MAGI1: variants seen among roughly 807,000 people sequenced by gnomAD.
The protein encoded by MAGI1 is membrane-associated guanylate kinase, WW and PDZ domain-containing protein 1.
MAGI1 carries 58 observed loss-of-function variants against 139.9 expected under a neutral mutation model. The observed-to-expected ratio is 0.41, with a 90% CI of 0.34 to 0.52. MAGI1 has a LOEUF of 0.52. Among genes scored for constraint, MAGI1 ranks in the 20% least tolerant of loss-of-function variants. The pLI, the probability that MAGI1 is intolerant of heterozygous loss-of-function variation, is 0.12. For missense variants in MAGI1, 1,874 were observed against 1,901.6 expected, an observed-to-expected ratio of 0.99 and a Z score of 0.27; for synonymous variants, 812 against 737.9, an observed-to-expected ratio of 1.10 and a Z score of -1.63.
intron 1 of MAGI1, among the ~76,000 whole-genome samples, chr3:65,838,220 G>A (rs2058692233): frequency 6.6e-6 from 1 of 152,158 alleles, no homozygotes; most frequent in Non-Finnish European, 1.5e-5. Flanking sequence ...GCTGAGGCAG[G>A]AGAATCACTT....
chr3:65,810,391 G>C (rs967943459), intron 1 of MAGI1, among the ~76,000 whole-genome samples: 5 of 152,322 alleles, frequency 3.3e-5, no homozygotes, highest in East Asian at 3.9e-4. Context: ...ACCCAGAAAA[G>C]TAATTCAGTA....
chr3:65,565,780 C>T (rs956637964), intron 2 of MAGI1, among the ~76,000 whole-genome samples: 2 of 150,442 alleles, frequency 1.3e-5, no homozygotes, highest in East Asian at 3.9e-4. Flanking sequence ...TTGCTTGAAC[C>T]CAGGAGGCAG....
intron 1 of MAGI1, among the ~76,000 whole-genome samples, chr3:65,740,081 T>G (rs1018810883): frequency 6.6e-6 from 1 of 152,188 alleles, no homozygotes; most frequent in East Asian, 1.9e-4. Context: ...CAAGCACTAG[T>G]TTATCTGAAG....
rs114996363 is a variant in MAGI1, at chr3:65,539,150, G to A, written c.431-45519C>T. ...CAAACAGACACATGTACCAACTACC[G>A]TCAAACAGGCACACATATCAAGTAC... On this transcript the variant is annotated intron_variant, in intron 2 of 22. Coordinates refer to ENST00000402939, the MANE Select transcript of MAGI1 (RefSeq NM_001033057.2). Among the ~76,000 whole-genome samples the A allele has an allele frequency of 3.6e-3, 547 of 151,226 alleles. 1 individual carries two copies. Among genetic ancestry groups the A allele is most frequent in the African/African-American group, 0.013 (526 of 41,126 alleles).
intron 12 of MAGI1, among the ~76,000 whole-genome samples, chr3:65,406,488 ATG>A (rs1452013943): frequency 1.3e-5 from 2 of 152,122 alleles, no homozygotes; most frequent in Non-Finnish European, 2.9e-5. Flanking sequence ...CATAAGAAAA[ATG>A]TACTATTTTT....
In MAGI1 at chr3:65,361,211, C is replaced by T; in HGVS notation, c.3622G>A (p.Val1208Ile). The change falls in exon 22 of 23, where the codon GTA becomes ATA. Residue 1208 changes from valine (V) to isoleucine (I), a missense_variant. Coordinates refer to ENST00000402939, the MANE Select transcript of MAGI1 (RefSeq NM_001033057.2). ...RLFLKRGDGS[V>I]PEYDPSSDRH... The stretch of plus-strand genomic sequence containing the variant: ...TAGTTTGACCCACCATATTCTGGTA[C>T]TGAGCCGTCTCCCCGCTTCAGAAAC... 2 of 1,614,178 alleles carry T rather than the reference C, an allele frequency of 1.2e-6. No homozygotes were observed. The highest frequency in any genetic ancestry group is 2.2e-5 in the East Asian group (1 of 44,884).
intron 3 of MAGI1, among the ~76,000 whole-genome samples, chr3:65,482,621 T>C (rs761418801): frequency 2.6e-5 from 4 of 152,220 alleles, no homozygotes; most frequent in Non-Finnish European, 5.9e-5. Context: ...GTGTTAAATA[T>C]GAGATAGTGT....
intron 1 of MAGI1, among the ~76,000 whole-genome samples, chr3:65,974,379 G>C (rs1305448911): frequency 5.6e-4 from 14 of 25,192 alleles, no homozygotes; most frequent in African/African-American, 1.1e-3. Flanking sequence ...GGGCGGGTGG[G>C]CGGGTGGCTG....
rs560515461 is a variant in MAGI1 at position 65,683,592 on chromosome 3, T to C, written c.314-61504A>G. ...TATAAAGAATTCTCCAAAGTCAATATTGAAAACACAGATAATCCAATTAGA... is the reference window on the plus strand; with the variant it reads ...TATAAAGAATTCTCCAAAGTCAATACTGAAAACACAGATAATCCAATTAGA... On this transcript the variant is annotated intron_variant, in intron 1 of 22. Transcript: ENST00000402939. Among the ~76,000 whole-genome samples the C allele has an allele frequency of 9.3e-5, 14 of 151,326 alleles. No individual in the cohort carries two copies. In the South Asian group the frequency reaches 1.5e-3, roughly 16 times the overall value.
chr3:65,439,825 G>T, intron 9 of MAGI1, 54 bp downstream of exon 9: 1 of 1,602,936 alleles, frequency 6.2e-7, no homozygotes, highest in Non-Finnish European at 8.5e-7. Context: ...TCAGCGCTCA[G>T]ATTTCACCCC....
chr3:65,621,300 T>A (rs1398866968), intron 2 of MAGI1, among the ~76,000 whole-genome samples: 2 of 152,244 alleles, frequency 1.3e-5, no homozygotes, highest in East Asian at 3.8e-4. Context: ...TGCGAATTTA[T>A]CCAACCATAG....
At chr3:65,740,163 A>G (rs6767810) in intron 1 of MAGI1, among the ~76,000 whole-genome samples, 9,218 of 152,154 alleles carry the variant, frequency 0.061, 931 homozygotes, top group African/African-American at 0.2. Context: ...AAACATAACA[A>G]CCCATATTCA....
chr3:65,468,105 G>A (rs1281498701), intron 5 of MAGI1, among the ~76,000 whole-genome samples: 1 of 152,148 alleles, frequency 6.6e-6, no homozygotes, highest in Admixed American at 6.5e-5. Flanking sequence ...AAGCTGAGAT[G>A]CAAGAAGTAA....
intron 1 of MAGI1, among the ~76,000 whole-genome samples, chr3:65,653,914 C>T (rs931862356): frequency 6.6e-6 from 1 of 152,062 alleles, no homozygotes; most frequent in South Asian, 2.1e-4. Context: ...TACACATAGG[C>T]GTTATATTTC....
chr3:65,422,513 A>C (rs888358201), intron 12 of MAGI1, among the ~76,000 whole-genome samples: 3 of 152,166 alleles, frequency 2.0e-5, no homozygotes, highest in Non-Finnish European at 4.4e-5. Context: ...CAGGATTAGC[A>C]CTTATGAAAT....
At chr3:65,908,964 C>G (rs2061549061) in intron 1 of MAGI1, among the ~76,000 whole-genome samples, 3 of 152,148 alleles carry the variant, frequency 2.0e-5, no homozygotes, top group Admixed American at 2.0e-4. Context: ...ATTTATGGTT[C>G]TAAAATATAG....
intron 2 of MAGI1, among the ~76,000 whole-genome samples, chr3:65,592,170 A>G (rs957509757): frequency 1.3e-5 from 2 of 152,216 alleles, no homozygotes; most frequent in Non-Finnish European, 2.9e-5. Context: ...ATAAATAAAT[A>G]TATCTTAGTG....
intron 1 of MAGI1, among the ~76,000 whole-genome samples, chr3:66,002,831 G>C (rs1241120680): frequency 6.6e-6 from 1 of 152,156 alleles, no homozygotes; most frequent in Non-Finnish European, 1.5e-5. Context: ...TTCAAAAATA[G>C]TGCTTCTGAT....
intron 2 of MAGI1, among the ~76,000 whole-genome samples, chr3:65,594,480 A>G (rs2106774821): frequency 6.6e-6 from 1 of 152,342 alleles, no homozygotes; most frequent in Middle Eastern, 3.4e-3. Context: ...AAAGCCTAAA[A>G]GTCATCAACA....
Sources: allele counts gnomAD v4.1 joint callset (sites outside exome capture counted in the v4.1 genomes callset), GRCh38; gene constraint gnomAD v4.1.1; transcripts MANE v1.5; gene names NCBI Gene and HGNC (gene_info 2026-07-23, HGNC 2026-07-21).